ARHGEF10L: variants seen among roughly 807,000 people sequenced by gnomAD.
ARHGEF10L encodes the protein Rho guanine nucleotide exchange factor 10 like.
A neutral mutation model predicts 141.2 loss-of-function variants in ARHGEF10L; 69 were observed. The observed-to-expected ratio is 0.49, with a 90% CI of 0.40 to 0.60. The LOEUF is 0.60. ARHGEF10L is among the 20% of genes least tolerant of loss of function. The probability of loss-of-function intolerance (pLI) is 0.00; values close to 1 mark genes in which losing one functional copy is unlikely to be tolerated. For missense variants in ARHGEF10L, 1,482 were observed against 1,734.3 expected (o/e 0.85, Z 2.58); for synonymous variants, 711 against 718.5 (o/e 0.99, Z 0.17).
In ARHGEF10L at chr1:17,673,036, G is replaced by C. The variant is rs560094713; in HGVS notation, c.3009+8441G>C. Among the ~76,000 whole-genome samples, 8 of 152,276 alleles carry C rather than the reference G, an allele frequency of 5.3e-5. No homozygotes were observed. In the East Asian group the frequency reaches 1.5e-3, roughly 29 times the overall value. On this transcript the variant is annotated intron_variant, in intron 26 of 28. Transcript: ENST00000361221. The surrounding 1 kb of genome is among the most constrained non-coding windows in gnomAD (Gnocchi z 4.1). Reference sequence around the variant, plus strand: ...AACCAGAAGATTTAGGTGATGAAAAGATTTCATGATTTTAAAAAGAAGTTG... The same window carrying C: ...AACCAGAAGATTTAGGTGATGAAAACATTTCATGATTTTAAAAAGAAGTTG...
chr1:17,674,958 T>TAATGATGC (rs1285504829), intron 26 of ARHGEF10L, among the ~76,000 whole-genome samples: 2 of 152,152 alleles, frequency 1.3e-5, no homozygotes, highest in South Asian at 4.1e-4. Flanking sequence ...CAAAATTGCC[T>TAATGATGC]AATGATGCCT....
chr1:17,687,472 T>G (rs1379095502), intron 26 of ARHGEF10L, 101 bp from the exon 27 acceptor site: 5 of 1,358,498 alleles, frequency 3.7e-6, no homozygotes, highest in Non-Finnish European at 5.1e-6. Context: ...TAGCTTGAGC[T>G]TTTGAAGAAT....
intron 22 of ARHGEF10L, among the ~76,000 whole-genome samples, chr1:17,649,865 C>T (rs1468448930): frequency 1.3e-5 from 2 of 152,114 alleles, no homozygotes; most frequent in African/African-American, 4.8e-5. Context: ...CAAACCCACA[C>T]AGAGGGTGCA....
chr1:17,552,350 A>T (rs1372674507), intron 1 of ARHGEF10L, among the ~76,000 whole-genome samples: 1 of 152,088 alleles, frequency 6.6e-6, no homozygotes, highest in East Asian at 1.9e-4. Flanking sequence ...ACCAGTGTCC[A>T]CTGTAGGCCT....
intron 27 of ARHGEF10L, among the ~76,000 whole-genome samples, chr1:17,688,328 G>A (rs977602745): frequency 2.6e-5 from 4 of 152,194 alleles, no homozygotes; most frequent in African/African-American, 4.8e-5. Context: ...GAAGGATTAA[G>A]GCTGGAGCTC....
At chr1:17,537,984 G>T (rs570819831), upstream of ARHGEF10L, among the ~76,000 whole-genome samples, 2 of 152,226 alleles carry the variant, frequency 1.3e-5, no homozygotes, top group South Asian at 4.1e-4. Flanking sequence ...GCTGAGGCAG[G>T]AGGATTGCTT....
chr1:17,603,489 CT>C lies in ARHGEF10L; in HGVS notation c.350-18del. On this transcript the variant is annotated intron_variant, in intron 5 of 28. Transcript: ENST00000361221. The surrounding 1 kb of genome is among the most constrained non-coding windows in gnomAD (Gnocchi z 4.8). ...GCCACAGCCCACGGTGGTGCTCTCT[CT>C]CCCCACTTCCCTCCCAGTTGACCGG... The C allele has an allele frequency of 6.2e-7, 1 of 1,609,522 alleles. No homozygotes were observed. Among genetic ancestry groups the C allele is most frequent in the Non-Finnish European group, 8.5e-7 (1 of 1,177,386 alleles).
intron 22 of ARHGEF10L, among the ~76,000 whole-genome samples, chr1:17,650,855 G>A (rs891914765): frequency 2.7e-4 from 41 of 152,056 alleles, no homozygotes; most frequent in African/African-American, 9.4e-4. Flanking sequence ...GGAGTAAGGC[G>A]CCTTTGCCTC....
At chr1:17,528,307 T>C in the ARHGEF10L span, among the ~76,000 whole-genome samples, 145,184 of 152,102 alleles carry the variant, frequency 0.95, 69,399 homozygotes, top group Middle Eastern at 0.98. Context: ...ACTGAACTCC[T>C]GGGCTCAAGT....
rs145845534 is a variant in ARHGEF10L, at chr1:17,567,853, G to A, written c.-43-12700G>A. Among the ~76,000 whole-genome samples, 465 of 152,314 alleles carry A rather than the reference G, an allele frequency of 3.1e-3. 4 individuals are homozygous for A. The highest frequency in any genetic ancestry group is 0.01 in the African/African-American group (431 of 41,570). ...GCACCATGCACAGAGCTTGGTCATT[G>A]CTGCATTTCGCACCAACTAAGGCAA... On this transcript the variant is annotated intron_variant, in intron 1 of 28. Transcript: ENST00000361221.
At chr1:17,564,682 T>C (rs1175529790) in intron 1 of ARHGEF10L, among the ~76,000 whole-genome samples, 1 of 152,210 alleles carries the variant, frequency 6.6e-6, no homozygotes, top group Non-Finnish European at 1.5e-5. Flanking sequence ...TATGCCTCTA[T>C]TTCCTAACCT....
At chr1:17,542,929 CA>C (rs1375610912) in intron 1 of ARHGEF10L, among the ~76,000 whole-genome samples, 3 of 152,210 alleles carry the variant, frequency 2.0e-5, no homozygotes, top group African/African-American at 7.2e-5. Flanking sequence ...CCCGGCTAGA[CA>C]AGGGTGAATG....
At chr1:17,538,182 A>G (rs974188270), upstream of ARHGEF10L, among the ~76,000 whole-genome samples, 3 of 152,248 alleles carry the variant, frequency 2.0e-5, no homozygotes, top group Non-Finnish European at 4.4e-5. Context: ...GGCAGGACTC[A>G]AAAGTCCATT....
At chr1:17,572,011 C>T (rs982435185) in intron 1 of ARHGEF10L, among the ~76,000 whole-genome samples, 3 of 152,250 alleles carry the variant, frequency 2.0e-5, no homozygotes, top group Non-Finnish European at 2.9e-5. Context: ...CCTCCAGTTG[C>T]CCATCTGCAG....
intron 27 of ARHGEF10L, among the ~76,000 whole-genome samples, chr1:17,690,512 AC>A (rs2065024857): frequency 6.6e-6 from 1 of 152,108 alleles, no homozygotes; most frequent in African/African-American, 2.4e-5. Flanking sequence ...CCCTCCTAAG[AC>A]CCTCCAGGTC....
chr1:17,644,857 G>A lies in ARHGEF10L; in HGVS notation c.2273-3697G>A, dbSNP rs896171258. On this transcript the variant is annotated intron_variant, in intron 21 of 28. Coordinates refer to ENST00000361221, the MANE Select transcript of ARHGEF10L (RefSeq NM_018125.4). This position sits in a 1 kb window ranked among gnomAD's most constrained non-coding sequence, Gnocchi z 4.5. ...TTTCCGGAGTGCCTGGTGTCTGCTGGTCATGATATATATGATTTCCAGTGC... is the reference window on the plus strand; with the variant it reads ...TTTCCGGAGTGCCTGGTGTCTGCTGATCATGATATATATGATTTCCAGTGC... Among the ~76,000 whole-genome samples, 26 of 152,124 alleles carry A rather than the reference G, an allele frequency of 1.7e-4. No homozygotes were observed. Among genetic ancestry groups the A allele is most frequent in the African/African-American group, 5.3e-4 (22 of 41,402 alleles).
At chr1:17,545,028 G>A (rs1181092824) in intron 1 of ARHGEF10L, among the ~76,000 whole-genome samples, 1 of 152,142 alleles carries the variant, frequency 6.6e-6, no homozygotes, top group Non-Finnish European at 1.5e-5. Flanking sequence ...ATGACATGCA[G>A]GGATTATGGG....
chr1:17,552,670 C>T (rs924585124), intron 1 of ARHGEF10L, among the ~76,000 whole-genome samples: 1 of 150,558 alleles, frequency 6.6e-6, no homozygotes, highest in Admixed American at 6.6e-5. Context: ...GTAATCTGCT[C>T]CCCTCAGCCT....
the ARHGEF10L span, among the ~76,000 whole-genome samples, chr1:17,529,993 C>T: frequency 5.9e-5 from 9 of 151,960 alleles, no homozygotes; most frequent in South Asian, 6.2e-4. Context: ...CCACCATGCC[C>T]GGCTAATTTT....
Sources: allele counts gnomAD v4.1 joint callset (sites outside exome capture counted in the v4.1 genomes callset), GRCh38; gene constraint gnomAD v4.1.1; non-coding constraint Gnocchi (gnomAD v3.1); transcripts MANE v1.5; gene names NCBI Gene and HGNC (gene_info 2026-07-23, HGNC 2026-07-21).